MAP2K5: variants seen among roughly 807,000 people sequenced by gnomAD.
The protein encoded by MAP2K5 is mitogen-activated protein kinase kinase 5.
A neutral mutation model predicts 83.1 loss-of-function variants in MAP2K5; 49 were observed. The ratio of observed to expected loss-of-function variants is 0.59; its 90% CI spans 0.47 to 0.75. The LOEUF is 0.75. Ranked by LOEUF, MAP2K5 falls within the 30% of genes least tolerant of loss-of-function variation. The pLI, the probability that MAP2K5 is intolerant of heterozygous loss-of-function variation, is 0.00. For synonymous variants in MAP2K5, 202 were observed against 191.8 expected, an observed-to-expected ratio of 1.05 and a Z score of -0.44; for missense variants, 457 against 557.5, an observed-to-expected ratio of 0.82 and a Z score of 1.82.
chr15:67,751,493 T>G (rs920197679), intron 19 of MAP2K5, among the ~76,000 whole-genome samples: 1 of 152,186 alleles, frequency 6.6e-6, no homozygotes, highest in African/African-American at 2.4e-5. Context: ...GCTTTGGTTC[T>G]TTATAAGTGA....
At chr15:67,629,181 G>A (rs2086402797) in intron 8 of MAP2K5, 2 of 687,404 alleles carry the variant, frequency 2.9e-6, no homozygotes, top group Non-Finnish European at 5.4e-6. Context: ...AGCTAGAGAA[G>A]TGACGGGGAA....
intron 8 of MAP2K5, among the ~76,000 whole-genome samples, chr15:67,611,769 A>G (rs1290567094): frequency 6.6e-6 from 1 of 152,202 alleles, no homozygotes; most frequent in African/African-American, 2.4e-5. Flanking sequence ...CATTCCTGGT[A>G]AATAATTACA....
intron 8 of MAP2K5, among the ~76,000 whole-genome samples, chr15:67,609,411 T>A (rs1488089095): frequency 2.6e-5 from 4 of 151,538 alleles, no homozygotes; most frequent in Non-Finnish European, 5.9e-5. Context: ...ATAGACCTAT[T>A]CTATAGACCT....
In MAP2K5 at chr15:67,690,449, G is replaced by T. The variant is rs1441013456; in HGVS notation, c.848-2030G>T. On this transcript the variant is annotated intron_variant, in intron 13 of 21. Coordinates refer to ENST00000178640, the MANE Select transcript of MAP2K5 (RefSeq NM_145160.3). The surrounding 1 kb of genome is among the most constrained non-coding windows in gnomAD (Gnocchi z 4.3). ...TGGTATATTTAAGGTTTAATATGATGATGGTATAAGAATTATGTTGAAAAA... is the reference window on the plus strand; with the variant it reads ...TGGTATATTTAAGGTTTAATATGATTATGGTATAAGAATTATGTTGAAAAA... Among the ~76,000 whole-genome samples the T allele has an allele frequency of 2.0e-5, 3 of 152,102 alleles. No individual in the cohort carries two copies. The highest frequency in any genetic ancestry group is 7.2e-5 in the African/African-American group (3 of 41,412).
At chr15:67,773,032 A>G (rs936343762) in intron 21 of MAP2K5, among the ~76,000 whole-genome samples, 1 of 152,170 alleles carries the variant, frequency 6.6e-6, no homozygotes, top group Non-Finnish European at 1.5e-5. Context: ...CTCATTTGCT[A>G]TTAAACCTTT....
intron 11 of MAP2K5, among the ~76,000 whole-genome samples, chr15:67,647,233 A>G (rs947528764): frequency 1.3e-5 from 2 of 152,224 alleles, no homozygotes; most frequent in East Asian, 3.8e-4. Flanking sequence ...AACTTTAATG[A>G]GCCAACATTG....
chr15:67,640,455 A>T lies in MAP2K5; in HGVS notation c.586-5776A>T. On this transcript the variant is annotated intron_variant, in intron 9 of 21. Coordinates refer to ENST00000178640, the MANE Select transcript of MAP2K5 (RefSeq NM_145160.3). The surrounding 1 kb of genome is among the most constrained non-coding windows in gnomAD (Gnocchi z 4.6). ...CCTCTCCTGACTTTTGTGTGACTTC[A>T]AGCATGTCACTTGAACCTCCCAGTG... The T allele has an allele frequency of 3.7e-6, 1 of 268,986 alleles. No homozygotes were observed. Among genetic ancestry groups the T allele is most frequent in the Non-Finnish European group, 5.7e-6 (1 of 174,976 alleles). 16.7% of individuals were successfully genotyped at this position (268,986 alleles called of 1,614,324 possible). A position where few individuals can be genotyped will look rare whatever the true frequency, so the allele number is the denominator to read the frequency against.
At chr15:67,592,821 C>T in intron 6 of MAP2K5, 105 bp from the exon 7 acceptor site, 1 of 755,338 alleles carries the variant, frequency 1.3e-6, no homozygotes, top group Non-Finnish European at 2.2e-6. Flanking sequence ...GAAGAATATG[C>T]TCAATCCCTA....
rs937806416 is a variant in MAP2K5, at chr15:67,586,836, T to G, written c.364-10T>G. ...CACAAGACTGATCAAGATTCTTTCT[T>G]TACTTATAGGTGAATACTCGGGCCG... On this transcript the variant is annotated splice_polypyrimidine_tract_variant and intron_variant, in intron 5 of 21. Transcript: ENST00000178640. 1.9e-6 allele frequency: 3 copies of G among 1,613,584 alleles called. No individual in the cohort carries two copies. Among genetic ancestry groups the G allele is most frequent in the Non-Finnish European group, 2.5e-6 (3 of 1,179,518 alleles).
Position 67,758,593 on chromosome 15 carries a change from T to C in MAP2K5, c.1134+9992T>C, listed in dbSNP as rs982839527. Among the ~76,000 whole-genome samples, 19 of 152,348 alleles carry C rather than the reference T, an allele frequency of 1.2e-4. No individual in the cohort carries two copies. In the East Asian group the frequency reaches 3.5e-3, roughly 28 times the overall value. On this transcript the variant is annotated intron_variant, in intron 19 of 21. Transcript: ENST00000178640. The surrounding 1 kb of genome is among the most constrained non-coding windows in gnomAD (Gnocchi z 4.7). ...GTAAATATTCATCAAATGACATTTATGCATAAATCTCAACACTTTTTTTTT... is the reference window on the plus strand; with the variant it reads ...GTAAATATTCATCAAATGACATTTACGCATAAATCTCAACACTTTTTTTTT...
At chr15:67,646,755 C>T (rs555966770) in intron 11 of MAP2K5, among the ~76,000 whole-genome samples, 1 of 152,162 alleles carries the variant, frequency 6.6e-6, no homozygotes, top group African/African-American at 2.4e-5. Context: ...TTTGCACAAT[C>T]TGTCTTTACT....
At chr15:67,600,570 C>T in intron 7 of MAP2K5, 115 bp from the exon 8 acceptor site, 1 of 719,588 alleles carries the variant, frequency 1.4e-6, no homozygotes, top group Non-Finnish European at 2.3e-6. Flanking sequence ...CTCGTTTTTG[C>T]AGCTGAACTT....
At chr15:67,776,019 T>C (rs1596955022) in intron 21 of MAP2K5, among the ~76,000 whole-genome samples, 1 of 152,214 alleles carries the variant, frequency 6.6e-6, no homozygotes, top group African/African-American at 2.4e-5. Context: ...GAGTGAATTC[T>C]CTTGAATGGT....
chr15:67,598,447 A>G lies in MAP2K5; in HGVS notation c.481-2238A>G, dbSNP rs2085578149. Among the ~76,000 whole-genome samples, 3 of 152,148 alleles carry G rather than the reference A, an allele frequency of 2.0e-5. No individual in the cohort carries two copies. In the South Asian group the frequency reaches 6.2e-4, roughly 32 times the overall value. ...TTGTCTTGATTTTTTCCATTCTTGA[A>G]TTTGTTTAGACAGTGTTAATTAATG... On this transcript the variant is annotated intron_variant, in intron 7 of 21. Coordinates refer to ENST00000178640, the MANE Select transcript of MAP2K5 (RefSeq NM_145160.3).
At chr15:67,574,039 C>T (rs2085001906) in intron 3 of MAP2K5, among the ~76,000 whole-genome samples, 1 of 152,202 alleles carries the variant, frequency 6.6e-6, no homozygotes, top group Admixed American at 6.5e-5. Context: ...AATAAACTTG[C>T]TTTCACTTTA....
intron 13 of MAP2K5, among the ~76,000 whole-genome samples, chr15:67,673,984 G>C (rs1204384994): frequency 6.6e-6 from 1 of 152,038 alleles, no homozygotes; most frequent in Non-Finnish European, 1.5e-5. Context: ...AAGTAGCTGG[G>C]AGTACACACA....
intron 13 of MAP2K5, among the ~76,000 whole-genome samples, chr15:67,672,053 A>T (rs1235365088): frequency 1.3e-5 from 2 of 151,846 alleles, no homozygotes; most frequent in Non-Finnish European, 2.9e-5. Context: ...TTCTTAATCC[A>T]GTCTGTCATT....
chr15:67,745,454 C>T (rs2089584674), intron 17 of MAP2K5, among the ~76,000 whole-genome samples: 1 of 152,226 alleles, frequency 6.6e-6, no homozygotes, highest in African/African-American at 2.4e-5. Context: ...AAAGCAGAGG[C>T]AATGACTGGA....
rs184989443 is a variant in MAP2K5 at position 67,562,850 on chromosome 15, A to G, written c.185-433A>G. The stretch of plus-strand genomic sequence containing the variant: ...TTGTAGTGTTCAGTAAGTGTTAGCC[A>G]TTTTTATCATGCTGTTGTGAGATGA... On this transcript the variant is annotated intron_variant, in intron 2 of 21. Coordinates refer to ENST00000178640, the MANE Select transcript of MAP2K5 (RefSeq NM_145160.3). The surrounding 1 kb of genome is among the most constrained non-coding windows in gnomAD (Gnocchi z 4.1). Among the ~76,000 whole-genome samples the G allele has an allele frequency of 6.6e-6, 1 of 152,288 alleles. No individual in the cohort carries two copies. Among genetic ancestry groups the G allele is most frequent in the East Asian group, 1.9e-4 (1 of 5,186 alleles).
Sources: gnomAD v4.1 joint callset for allele counts (sites outside exome capture counted in the v4.1 genomes callset) on GRCh38, gnomAD v4.1.1 for gene constraint, Gnocchi (gnomAD v3.1) non-coding constraint, MANE v1.5 for transcripts, NCBI Gene and HGNC (gene_info 2026-07-23, HGNC 2026-07-21) for gene names.